The following GRIK1 variants were observed in gnomAD, a reference collection of about 807,000 sequenced individuals.
The protein encoded by GRIK1 is glutamate ionotropic receptor kainate type subunit 1.
Under a neutral mutation model 105.7 loss-of-function variants are expected in GRIK1, and 69 were observed. The ratio of observed to expected loss-of-function variants is 0.65; its 90% CI spans 0.54 to 0.80. The LOEUF is 0.80. Among genes scored for constraint, GRIK1 ranks in the 30% least tolerant of loss-of-function variants. GRIK1 has a pLI of 0.00. For missense variants in GRIK1, 1,109 were observed against 1,167.3 expected, an observed-to-expected ratio of 0.95 and a Z score of 0.73; for synonymous variants, 438 against 431.3, an observed-to-expected ratio of 1.02 and a Z score of -0.19.
At chr21:29,589,113 A>G (rs1309392917) in intron 10 of GRIK1, 71 bp from the exon 11 acceptor site, 10 of 820,514 alleles carry the variant, frequency 1.2e-5, no homozygotes, top group Non-Finnish European at 2.0e-5. Flanking sequence ...CAGCAGCTTG[A>G]AGATGTGAAA....
intron 1 of GRIK1, among the ~76,000 whole-genome samples, chr21:29,796,394 G>C (rs1415964596): frequency 6.6e-6 from 1 of 151,690 alleles, no homozygotes; most frequent in East Asian, 1.9e-4. Context: ...AACTGATACA[G>C]GTCAAGTTTA....
intron 1 of GRIK1, among the ~76,000 whole-genome samples, chr21:29,898,928 C>A (rs1437232762): frequency 6.6e-6 from 1 of 151,668 alleles, no homozygotes; most frequent in African/African-American, 2.4e-5. Context: ...GCCGAGATCA[C>A]GTCATTGCAC....
intron 1 of GRIK1, among the ~76,000 whole-genome samples, chr21:29,926,988 CGA>C (rs2071391281): frequency 6.6e-6 from 1 of 151,944 alleles, no homozygotes; most frequent in African/African-American, 2.4e-5. Flanking sequence ...TCAATCTGAC[CGA>C]GAGGAATATT....
At position 29,555,075 on chromosome 21, in the gene GRIK1, G is replaced by C. The variant is rs775408657; in HGVS notation, c.2584C>G (p.Arg862Gly). 5.0e-6 allele frequency: 8 copies of C among 1,609,932 alleles called. No homozygotes were observed. The highest frequency in any genetic ancestry group is 6.8e-6 in the Non-Finnish European group (8 of 1,176,328). Residue 862 changes from arginine to glycine, a missense_variant, in exon 16 of 18, where the codon CGG becomes GGG. Physicochemically the swap from Arg to Gly is moderately radical, Grantham distance 125. This residue lies in a region of GRIK1 where 161 missense variants were observed against 143.4 expected (regional missense o/e 1.12). Coordinates refer to ENST00000327783, the MANE Select transcript of GRIK1 (RefSeq NM_001330994.2). ...ACCTGTTCAATATCATTATTCTTCC[G>C]TGATTTGTATATGAATTCTCCAATA... ...VAIGEFIYKS[R>G]KNNDIEQKGK...
At chr21:29,873,845 C>T (rs2069101557) in intron 1 of GRIK1, among the ~76,000 whole-genome samples, 1 of 152,108 alleles carries the variant, frequency 6.6e-6, no homozygotes, top group Non-Finnish European at 1.5e-5. Flanking sequence ...TTTTTGGCAC[C>T]AGGGACTAGT....
At chr21:29,851,832 C>T (rs1386561920) in intron 1 of GRIK1, among the ~76,000 whole-genome samples, 1 of 152,172 alleles carries the variant, frequency 6.6e-6, no homozygotes, top group East Asian at 1.9e-4. Flanking sequence ...GATGTCACCC[C>T]TTGGACGAAA....
rs111375891 is a variant in GRIK1 at position 29,674,074 on chromosome 21, G to T, written c.545-910C>A. ...ACGGAAAAATTGAGTTTTTTTTTTT[G>T]TTGTTTTTTTTTTTTAGTATGCAGT... On this transcript the variant is annotated intron_variant, in intron 3 of 17. Coordinates refer to ENST00000327783, the MANE Select transcript of GRIK1 (RefSeq NM_001330994.2). Among the ~76,000 whole-genome samples the T allele has an allele frequency of 4.0e-4, 59 of 146,126 alleles. 1 individual carries two copies. The highest frequency in any genetic ancestry group is 4.3e-4 in the Non-Finnish European group (28 of 65,680).
In GRIK1 at chr21:29,766,140, T is replaced by C. The variant is rs138707137; in HGVS notation, c.119-72077A>G. Among the ~76,000 whole-genome samples the C allele has an allele frequency of 3.1e-3, 466 of 152,246 alleles. 2 individuals are homozygous for C. The highest frequency in any genetic ancestry group is 3.9e-3 in the Admixed American group (60 of 15,284). On this transcript the variant is annotated intron_variant, in intron 1 of 17. Coordinates refer to ENST00000327783, the MANE Select transcript of GRIK1 (RefSeq NM_001330994.2). ...CTGGGATTACAGGCATGAGCCACCG[T>C]GCCTGGCCAGAAAGTTCTTCTTTAG...
At chr21:29,934,233 A>G (rs2071670035) in intron 1 of GRIK1, among the ~76,000 whole-genome samples, 2 of 152,208 alleles carry the variant, frequency 1.3e-5, no homozygotes, top group African/African-American at 4.8e-5. Context: ...CACTGATAAT[A>G]TCAGTTTTTC....
At chr21:29,672,166 T>A (rs2063172519) in intron 4 of GRIK1, among the ~76,000 whole-genome samples, 1 of 151,494 alleles carries the variant, frequency 6.6e-6, no homozygotes, top group Non-Finnish European at 1.5e-5. Context: ...CAAGCGATTC[T>A]CCTGCCTCAG....
chr21:29,542,385 A>G (rs1408935663), intron 16 of GRIK1, among the ~76,000 whole-genome samples: 1 of 151,772 alleles, frequency 6.6e-6, no homozygotes, highest in African/African-American at 2.4e-5. Flanking sequence ...AATATAAATT[A>G]TATCTTCTCT....
intron 1 of GRIK1, among the ~76,000 whole-genome samples, chr21:29,709,500 C>G (rs767430591): frequency 1.3e-5 from 2 of 151,856 alleles, no homozygotes; most frequent in South Asian, 4.2e-4. Context: ...AGGCTGGTCT[C>G]GAACTCCTGA....
At chr21:29,560,519 C>CCTTTCTTTCTTTCTTTCTTT (rs1201508832) in intron 15 of GRIK1, among the ~76,000 whole-genome samples, 31 of 57,802 alleles carry the variant, frequency 5.4e-4, no homozygotes, top group Non-Finnish European at 8.5e-4. Flanking sequence ...TTCCTTCCTT[C>CCTTTCTTTCTTTCTTTCTTT]CTTTCTTTCT....
intron 1 of GRIK1, among the ~76,000 whole-genome samples, chr21:29,925,325 A>C (rs2071329008): frequency 6.6e-6 from 1 of 152,030 alleles, no homozygotes; most frequent in Non-Finnish European, 1.5e-5. Context: ...CGCAGATACA[A>C]TTTTCTCGTC....
At chr21:29,876,267 C>G (rs2069188163) in intron 1 of GRIK1, among the ~76,000 whole-genome samples, 1 of 152,042 alleles carries the variant, frequency 6.6e-6, no homozygotes, top group Non-Finnish European at 1.5e-5. Flanking sequence ...CATTTCATAA[C>G]AGCTTATTGA....
chr21:29,749,725 G>A (rs2065135296), intron 1 of GRIK1, among the ~76,000 whole-genome samples: 1 of 152,072 alleles, frequency 6.6e-6, no homozygotes, highest in South Asian at 2.1e-4. Flanking sequence ...ATATGGGGGT[G>A]GGAAGGATCA....
At chr21:29,623,565 T>C (rs1337920230) in intron 7 of GRIK1, among the ~76,000 whole-genome samples, 3 of 152,202 alleles carry the variant, frequency 2.0e-5, no homozygotes, top group Non-Finnish European at 4.4e-5. Context: ...TTGTGTTTAT[T>C]TTATCTTCCT....
chr21:29,555,002 A>G, intron 16 of GRIK1, 50 bp downstream of exon 16: 1 of 1,482,354 alleles, frequency 6.7e-7, no homozygotes, highest in East Asian at 2.3e-5. Flanking sequence ...CAAACTTAAG[A>G]CAGATAATGC....
chr21:29,639,231 AATTC>A lies in GRIK1; in HGVS notation c.1098+3591_1098+3594del, dbSNP rs1017505967. 4.6e-5 allele frequency among the ~76,000 whole-genome samples: 7 copies of A among 152,342 alleles called. 1 individual carries two copies. Among genetic ancestry groups the A allele is most frequent in the Middle Eastern group, 6.8e-3 (2 of 294 alleles). ...CGGTTCCTTTGCTAATTCATTCATT[AATTC>A]ATTCATCAATTCATTCACTTGTTTG... is the stretch of plus-strand genomic sequence containing the variant. On this transcript the variant is annotated intron_variant, in intron 7 of 17. Transcript: ENST00000327783.
Sources: allele counts gnomAD v4.1 joint callset (sites outside exome capture counted in the v4.1 genomes callset), GRCh38; gene constraint gnomAD v4.1.1; regional missense constraint gnomAD v4.1.1; transcripts MANE v1.5; gene names NCBI Gene and HGNC (gene_info 2026-07-23, HGNC 2026-07-21).